Variants in TLE1 observed in about 807,000 individuals in gnomAD.
TLE1 encodes TLE family member 1, transcriptional corepressor, also known as transducin-like enhancer protein 1.
Under a neutral mutation model 89.8 loss-of-function variants are expected in TLE1, and 21 were observed. That is an observed-to-expected ratio of 0.23 (90% confidence interval 0.17 to 0.34). TLE1 has a LOEUF of 0.34. Among genes scored for constraint, TLE1 ranks in the 10% least tolerant of loss-of-function variants. The pLI, the probability that TLE1 is intolerant of heterozygous loss-of-function variation, is 1.00. For synonymous variants in TLE1, 447 were observed against 407.6 expected (o/e 1.10, Z -1.16); for missense variants, 795 against 1,031.2 (o/e 0.77, Z 3.14).
rs555329324 is a variant in TLE1 at position 81,649,327 on chromosome 9, TACA to T, written c.372+2884_372+2886del. Among the ~76,000 whole-genome samples, 535 of 152,176 alleles carry T rather than the reference TACA, an allele frequency of 3.5e-3. 3 individuals are homozygous for T. The highest frequency in any genetic ancestry group is 0.012 in the African/African-American group (506 of 41,528). On this transcript the variant is annotated intron_variant, in intron 6 of 19. Transcript: ENST00000376499. Reference sequence around the variant, plus strand: ...ATTCACTCAACAAGCACAGAAAAAATACAACCTCTCTCTGTCTCCTCGAAGAGC... The same window carrying T: ...ATTCACTCAACAAGCACAGAAAAAATACCTCTCTCTGTCTCCTCGAAGAGC...
At chr9:81,616,541 G>A (rs544399063) in intron 10 of TLE1, 105 bp downstream of exon 10, 1 of 1,169,064 alleles carries the variant, frequency 8.6e-7, no homozygotes, top group Admixed American at 2.0e-5. Context: ...AGTTGCAAGA[G>A]GTCCCCCCAC....
intron 4 of TLE1, among the ~76,000 whole-genome samples, chr9:81,659,437 TTTTTTAATACTG>T (rs1354359234): frequency 2.0e-5 from 3 of 152,196 alleles, no homozygotes; most frequent in Non-Finnish European, 4.4e-5. Context: ...TGTGCCTAGA[TTTTTTAATACTG>T]TGTAAGGCAA....
chr9:81,618,987 CT>C (rs67822293), intron 9 of TLE1, among the ~76,000 whole-genome samples: 39,394 of 151,912 alleles, frequency 0.26, 5,485 homozygotes, highest in Non-Finnish European at 0.32. Context: ...CCAGACAAAC[CT>C]AGTACATGCA....
chr9:81,648,465 G>A (rs1829142353), intron 6 of TLE1, among the ~76,000 whole-genome samples: 1 of 151,998 alleles, frequency 6.6e-6, no homozygotes, highest in South Asian at 2.1e-4. Flanking sequence ...CAAAAATCAA[G>A]CTGTGCATTT....
intron 8 of TLE1, among the ~76,000 whole-genome samples, chr9:81,625,661 G>A (rs181263677): frequency 1.1e-3 from 164 of 152,216 alleles, no homozygotes; most frequent in Non-Finnish European, 2.0e-3. Context: ...AGCACCCAGT[G>A]GCGTCAAAAG....
chr9:81,610,660 T>G (rs569492408), intron 13 of TLE1, among the ~76,000 whole-genome samples: 1 of 152,270 alleles, frequency 6.6e-6, no homozygotes, highest in African/African-American at 2.4e-5. Context: ...CTTTTCTTTG[T>G]TAGGGGCCGT....
intron 6 of TLE1, among the ~76,000 whole-genome samples, chr9:81,639,890 A>G (rs1416040524): frequency 1.3e-5 from 2 of 152,186 alleles, no homozygotes; most frequent in South Asian, 2.1e-4. Context: ...CCCAGCTGAG[A>G]AAAAGCATTT....
intron 11 of TLE1, among the ~76,000 whole-genome samples, chr9:81,615,544 CAAAAAAAAA>C (rs530072232): frequency 4.9e-5 from 5 of 101,196 alleles, no homozygotes; most frequent in African/African-American, 1.5e-4. Context: ...ACTAAAAATA[CAAAAAAAAA>C]AAAAAAAAAA....
rs928454520 is a variant in TLE1 at position 81,616,535 on chromosome 9, G to A, written c.765+111C>T. On this transcript the variant is annotated intron_variant, in intron 10 of 19. Coordinates refer to ENST00000376499, the MANE Select transcript of TLE1 (RefSeq NM_005077.5). ...CATTAACTTCTTAATGTAAGAAGTT[G>A]CAAGAGGTCCCCCCACCGAGGGGCT... The A allele has an allele frequency of 5.6e-6, 6 of 1,071,268 alleles. No homozygotes were observed. The African/African-American group carries it at 6.4e-5, about 11-fold the overall frequency. The allele number at this position is 1,071,268 out of a possible 1,614,324, so 66.4% of individuals were successfully genotyped here. A position where few individuals can be genotyped will look rare whatever the true frequency, so the allele number is the denominator to read the frequency against.
intron 4 of TLE1, among the ~76,000 whole-genome samples, chr9:81,672,095 C>T (rs1050360431): frequency 4.6e-5 from 7 of 152,150 alleles, no homozygotes; most frequent in African/African-American, 1.7e-4. Flanking sequence ...CAGAAAGAGC[C>T]ATGAACGCGG....
chr9:81,607,731 G>C (rs1322463314), intron 14 of TLE1, among the ~76,000 whole-genome samples: 1 of 152,040 alleles, frequency 6.6e-6, no homozygotes, highest in Non-Finnish European at 1.5e-5. Flanking sequence ...TCCCAGGCTG[G>C]AAGCAGGGGG....
chr9:81,681,942 G>C (rs565958396), intron 4 of TLE1, among the ~76,000 whole-genome samples: 2 of 152,232 alleles, frequency 1.3e-5, no homozygotes, highest in East Asian at 3.9e-4. Flanking sequence ...GCAGCATGAG[G>C]GGATAGGAAG....
chr9:81,653,489 C>T (rs1829800995), intron 5 of TLE1, among the ~76,000 whole-genome samples: 1 of 152,192 alleles, frequency 6.6e-6, no homozygotes, highest in Non-Finnish European at 1.5e-5. Context: ...CTTATACATA[C>T]ATATGACTCA....
At position 81,688,294 on chromosome 9, in the gene TLE1, T is replaced by C. The variant is rs1834637639; in HGVS notation, c.-54A>G. ...CCCGGCAACTCAATTCTCCGGTCAA[T>C]TTCCAACTTTAATCCCGCCGAGGAA... On this transcript the variant is annotated 5_prime_UTR_variant, in exon 1 of 20. Transcript: ENST00000376499. 5.3e-6 allele frequency: 8 copies of C among 1,508,518 alleles called. No individual in the cohort carries two copies. The highest frequency in any genetic ancestry group is 1.2e-5 in the South Asian group (1 of 80,196). The allele number at this position is 1,508,518 out of a possible 1,614,324, so 93.4% of individuals were successfully genotyped here.
intron 12 of TLE1, 96 bp downstream of exon 12, chr9:81,613,281 T>A: frequency 6.6e-7 from 1 of 1,516,808 alleles, no homozygotes; most frequent in African/African-American, 1.4e-5. Context: ...GTACATTTCA[T>A]ATTTGTAGGG....
intron 4 of TLE1, among the ~76,000 whole-genome samples, chr9:81,685,382 A>G (rs72749005): frequency 6.6e-6 from 1 of 152,168 alleles, no homozygotes; most frequent in African/African-American, 2.4e-5. Context: ...TTTCAAGAGG[A>G]TAAATCTATA....
chr9:81,649,973 A>G (rs372658613), intron 6 of TLE1, among the ~76,000 whole-genome samples: 1 of 152,318 alleles, frequency 6.6e-6, no homozygotes, highest in Admixed American at 6.5e-5. Context: ...ATAAATTCAT[A>G]TACTAATCCA....
At chr9:81,610,174 T>C in intron 14 of TLE1, 46 bp downstream of exon 14, 1 of 1,540,650 alleles carries the variant, frequency 6.5e-7, no homozygotes, top group Non-Finnish European at 8.9e-7. Context: ...TACCAATGAC[T>C]GAGTAACCAC....
intron 8 of TLE1, among the ~76,000 whole-genome samples, chr9:81,631,349 T>A (rs560066628): frequency 2.6e-5 from 4 of 152,228 alleles, no homozygotes; most frequent in African/African-American, 9.6e-5. Flanking sequence ...AGGTATAAAA[T>A]ACATCTCTAC....
Sources: gnomAD v4.1 joint callset for allele counts (sites outside exome capture counted in the v4.1 genomes callset) on GRCh38, gnomAD v4.1.1 for gene constraint, MANE v1.5 for transcripts, NCBI Gene and HGNC (gene_info 2026-07-23, HGNC 2026-07-21) for gene names.